Variants in TASP1 observed in about 807,000 individuals in gnomAD.
TASP1 encodes taspase 1.
Under a neutral mutation model 56.6 loss-of-function variants are expected in TASP1, and 16 were observed. That is an observed-to-expected ratio of 0.28 (90% confidence interval 0.19 to 0.43). The LOEUF (loss-of-function observed/expected upper bound fraction) is 0.43. Ranked by LOEUF, TASP1 falls within the 20% of genes least tolerant of loss-of-function variation. The probability of loss-of-function intolerance (pLI) is 1.00; values close to 1 mark genes in which losing one functional copy is unlikely to be tolerated. For synonymous variants in TASP1, 179 were observed against 184.2 expected (o/e 0.97, Z 0.23); for missense variants, 393 against 511.6 (o/e 0.77, Z 2.24).
At chr20:13,349,927 G>A in the TASP1 span, among the ~76,000 whole-genome samples, 1 of 152,216 alleles carries the variant, frequency 6.6e-6, no homozygotes, top group Non-Finnish European at 1.5e-5. Context: ...AAGGCAGGAA[G>A]ATCTCTTGAG....
At chr20:13,142,389 G>A in the TASP1 span, among the ~76,000 whole-genome samples, 1 of 152,160 alleles carries the variant, frequency 6.6e-6, no homozygotes, top group Admixed American at 6.5e-5. Flanking sequence ...TGTTGGTTCA[G>A]TACAAGTGGG....
At chr20:13,569,699 A>C (rs910568553) in intron 6 of TASP1, 113 bp from the exon 7 acceptor site, 1 of 829,860 alleles carries the variant, frequency 1.2e-6, no homozygotes, top group African/African-American at 1.7e-5. Flanking sequence ...TATGGACATA[A>C]TTCCAGATTT....
At chr20:13,489,453 A>G (rs1026782744) in intron 10 of TASP1, among the ~76,000 whole-genome samples, 1 of 152,146 alleles carries the variant, frequency 6.6e-6, no homozygotes, top group Non-Finnish European at 1.5e-5. Flanking sequence ...CCTGAGGCAC[A>G]GCAGCATGAC....
the TASP1 span, among the ~76,000 whole-genome samples, chr20:13,110,979 C>A: frequency 1.3e-5 from 2 of 151,878 alleles, no homozygotes; most frequent in Admixed American, 6.6e-5. Flanking sequence ...TCTTTCAGCC[C>A]GCTAATCTCA....
At chr20:13,619,105 C>G (rs1035195427) in intron 4 of TASP1, among the ~76,000 whole-genome samples, 1 of 152,170 alleles carries the variant, frequency 6.6e-6, no homozygotes, top group African/African-American at 2.4e-5. Flanking sequence ...GAACTCCTGA[C>G]CTCATGATCC....
In TASP1 at chr20:13,500,982, C is replaced by A. The variant is rs142717145; in HGVS notation, c.875-17645G>T. On this transcript the variant is annotated intron_variant, in intron 10 of 13. Coordinates refer to ENST00000337743, the MANE Select transcript of TASP1 (RefSeq NM_017714.3). ...AAGCAAATATGAAATATTAAAAACACATGGGAAAAAAAGATACATTACATA... is the reference window on the plus strand; with the variant it reads ...AAGCAAATATGAAATATTAAAAACAAATGGGAAAAAAAGATACATTACATA... Among the ~76,000 whole-genome samples, 745 of 151,990 alleles carry A rather than the reference C, an allele frequency of 4.9e-3. 4 individuals are homozygous for A. The highest frequency in any genetic ancestry group is 0.015 in the African/African-American group (605 of 41,498).
At chr20:13,338,317 G>A in the TASP1 span, among the ~76,000 whole-genome samples, 2 of 152,190 alleles carry the variant, frequency 1.3e-5, no homozygotes, top group East Asian at 3.9e-4. Context: ...ATAATGAGCA[G>A]TGAGGAAGAC....
intron 4 of TASP1, chr20:13,617,145 T>G (rs1315600977): frequency 5.2e-5 from 23 of 441,794 alleles, no homozygotes; most frequent in Non-Finnish European, 9.9e-5. Context: ...AAACAAAAAA[T>G]GCAGAGAAAC....
chr20:13,491,552 T>G (rs2043526241), intron 10 of TASP1, among the ~76,000 whole-genome samples: 1 of 152,206 alleles, frequency 6.6e-6, no homozygotes, highest in Non-Finnish European at 1.5e-5. Context: ...TATAATTGTT[T>G]TTAACTTCAG....
chr20:13,441,931 A>T (rs972114871), intron 11 of TASP1, among the ~76,000 whole-genome samples: 3 of 152,234 alleles, frequency 2.0e-5, no homozygotes, highest in African/African-American at 7.2e-5. Context: ...CCATGGCCAT[A>T]TCATTAAACA....
chr20:13,603,139 G>C (rs891889433), intron 4 of TASP1, among the ~76,000 whole-genome samples: 10 of 152,162 alleles, frequency 6.6e-5, no homozygotes, highest in African/African-American at 1.9e-4. Flanking sequence ...ACTGAGGCTA[G>C]AGAATCGCTT....
intron 4 of TASP1, among the ~76,000 whole-genome samples, chr20:13,622,599 G>A (rs2048754003): frequency 6.6e-6 from 1 of 152,252 alleles, no homozygotes; most frequent in Non-Finnish European, 1.5e-5. Flanking sequence ...CACAAGGAAA[G>A]GCATGAAAGG....
the TASP1 span, among the ~76,000 whole-genome samples, chr20:13,347,605 G>A: frequency 3.1e-4 from 47 of 152,312 alleles, no homozygotes; most frequent in Admixed American, 1.4e-3. Flanking sequence ...TCGGGAGGCC[G>A]AGGCAGGTGG....
At chr20:13,125,922 G>A in the TASP1 span, among the ~76,000 whole-genome samples, 5 of 152,210 alleles carry the variant, frequency 3.3e-5, no homozygotes, top group Non-Finnish European at 7.3e-5. Flanking sequence ...CAGACAGTGA[G>A]AGAATTACAG....
the TASP1 span, among the ~76,000 whole-genome samples, chr20:13,285,900 A>T: frequency 6.6e-6 from 1 of 152,130 alleles, no homozygotes; most frequent in East Asian, 1.9e-4. Flanking sequence ...TGCTCTCTAC[A>T]TTGCGATAAT....
At chr20:13,620,945 T>C (rs189701412) in intron 4 of TASP1, among the ~76,000 whole-genome samples, 1 of 152,316 alleles carries the variant, frequency 6.6e-6, no homozygotes, top group African/African-American at 2.4e-5. Flanking sequence ...ATCACAATTA[T>C]TCAAGGTGAG....
chr20:13,549,497 T>C (rs529265682), intron 8 of TASP1, among the ~76,000 whole-genome samples: 1 of 152,162 alleles, frequency 6.6e-6, no homozygotes, highest in African/African-American at 2.4e-5. Context: ...TATTCTGCTG[T>C]CTTATTAGCT....
At chr20:13,148,566 G>T in the TASP1 span, among the ~76,000 whole-genome samples, 1 of 152,154 alleles carries the variant, frequency 6.6e-6, no homozygotes, top group Non-Finnish European at 1.5e-5. Flanking sequence ...CCAAACAAGA[G>T]GCTACCACAT....
chr20:13,193,967 G>A, the TASP1 span, among the ~76,000 whole-genome samples: 1 of 152,134 alleles, frequency 6.6e-6, no homozygotes, highest in East Asian at 1.9e-4. Flanking sequence ...AGGTAGGCTA[G>A]GAAAATTTGT....
Sources: gnomAD v4.1 joint callset for allele counts (sites outside exome capture counted in the v4.1 genomes callset) on GRCh38, gnomAD v4.1.1 for gene constraint, MANE v1.5 for transcripts, NCBI Gene and HGNC (gene_info 2026-07-23, HGNC 2026-07-21) for gene names.